The following CDADC1 variants were observed in gnomAD, a reference collection of about 807,000 sequenced individuals.
The protein encoded by CDADC1 is dCTP deaminase.
A neutral mutation model predicts 54.9 loss-of-function variants in CDADC1; 39 were observed. The observed-to-expected ratio is 0.71, with a 90% CI of 0.55 to 0.93. The LOEUF (loss-of-function observed/expected upper bound fraction) is 0.93, where lower values mean the gene tolerates loss of function less well. Among genes scored for constraint, CDADC1 ranks in the 40% least tolerant of loss-of-function variants. The probability of loss-of-function intolerance (pLI) is 0.00; values close to 1 mark genes in which losing one functional copy is unlikely to be tolerated. For synonymous variants in CDADC1, 186 were observed against 204.0 expected (o/e 0.91, Z 0.75); for missense variants, 518 against 618.8 (o/e 0.84, Z 1.73).
chr13:49,250,772 A>G (rs1952411074), intron 2 of CDADC1, among the ~76,000 whole-genome samples: 1 of 152,240 alleles, frequency 6.6e-6, no homozygotes, highest in Non-Finnish European at 1.5e-5. Flanking sequence ...TAATAAAATG[A>G]TATCTCTTGG....
At chr13:49,278,639 GTA>G in intron 7 of CDADC1, 120 bp downstream of exon 7, 1 of 814,358 alleles carries the variant, frequency 1.2e-6, no homozygotes, top group Non-Finnish European at 1.8e-6. Flanking sequence ...CCTTTCAGAA[GTA>G]TAACTTTGGT....
In CDADC1 at chr13:49,292,007, C is replaced by G; in HGVS notation, c.*250C>G. ...GAAATGAGGGAGCAATAACTTCAACCAATGTAATCACCAACAGGGACTGAT... is the reference window on the plus strand; with the variant it reads ...GAAATGAGGGAGCAATAACTTCAACGAATGTAATCACCAACAGGGACTGAT... On this transcript the variant is annotated 3_prime_UTR_variant, in exon 10 of 10. Transcript: ENST00000251108. 2 of 1,228,054 alleles carry G rather than the reference C, an allele frequency of 1.6e-6. No individual in the cohort carries two copies. Among genetic ancestry groups the G allele is most frequent in the Non-Finnish European group, 2.0e-6 (2 of 979,118 alleles). The allele number at this position is 1,228,054 out of a possible 1,614,324, so 76.1% of individuals were successfully genotyped here. A position where few individuals can be genotyped will look rare whatever the true frequency, so the allele number is the denominator to read the frequency against.
intron 4 of CDADC1, among the ~76,000 whole-genome samples, chr13:49,260,886 G>A (rs954887446): frequency 6.6e-6 from 1 of 152,164 alleles, no homozygotes; most frequent in African/African-American, 2.4e-5. Flanking sequence ...AGTGATCCCT[G>A]CAGATTTCCA....
chr13:49,286,571 C>A lies in CDADC1; in HGVS notation c.1471+289C>A, dbSNP rs1451562642. Among the ~76,000 whole-genome samples the A allele has an allele frequency of 2.0e-5, 3 of 152,086 alleles. No homozygotes were observed. In the East Asian group the frequency reaches 5.8e-4, roughly 29 times the overall value. The stretch of plus-strand genomic sequence containing the variant: ...GCATATGAAACAGTAAACAGCAATG[C>A]TCTTCTATAACAAAACAAAAGCTTA... On this transcript the variant is annotated intron_variant, in intron 9 of 9. Transcript: ENST00000251108.
chr13:49,254,371 T>TTAAAACTTTATCAATGTATTAAC (rs1254004782), intron 2 of CDADC1, among the ~76,000 whole-genome samples: 5 of 151,744 alleles, frequency 3.3e-5, no homozygotes, highest in African/African-American at 9.7e-5. Flanking sequence ...CATTCCTACT[T>TTAAAACTTTATCAATGTATTAAC]TAAAACTTTA....
rs752110594 is a variant in CDADC1, at chr13:49,280,532, A to G, written c.1244A>G (p.Glu415Gly). Reference sequence around the variant, plus strand: ...AGGTGTCAAGAAATAAAACCAGAAGAAAGAAGCATGATTTTTGTGACAAAG... The same window carrying G: ...AGGTGTCAAGAAATAAAACCAGAAGGAAGAAGCATGATTTTTGTGACAAAG... Reference protein sequence around the residue: ...TFRCQEIKPEERSMIFVTKCP... With the variant: ...TFRCQEIKPEGRSMIFVTKCP... Residue 415 changes from glutamate to glycine, a missense_variant, in exon 8 of 10, where the codon GAA becomes GGA. Coordinates refer to ENST00000251108, the MANE Select transcript of CDADC1 (RefSeq NM_030911.4). 5.5e-6 allele frequency: 8 copies of G among 1,451,754 alleles called. No individual in the cohort carries two copies. The East Asian group carries it at 1.3e-4, about 23-fold the overall frequency. The allele number at this position is 1,451,754 out of a possible 1,614,324, so 89.9% of individuals were successfully genotyped here. A position where few individuals can be genotyped will look rare whatever the true frequency, so the allele number is the denominator to read the frequency against.
intron 2 of CDADC1, among the ~76,000 whole-genome samples, chr13:49,251,129 G>T (rs1217520756): frequency 6.6e-6 from 1 of 152,048 alleles, no homozygotes; most frequent in African/African-American, 2.4e-5. Flanking sequence ...AGACTTTTAG[G>T]CCGGGTGCAG....
intron 4 of CDADC1, among the ~76,000 whole-genome samples, chr13:49,260,645 A>G (rs1952659648): frequency 6.6e-6 from 1 of 152,202 alleles, no homozygotes; most frequent in African/African-American, 2.4e-5. Context: ...CCTTGTGCTT[A>G]TGATTCTGTT....
At chr13:49,255,221 G>A (rs9535175) in intron 2 of CDADC1, among the ~76,000 whole-genome samples, 15 of 152,124 alleles carry the variant, frequency 9.9e-5, no homozygotes, top group Admixed American at 2.6e-4. Context: ...ATGTTGCATC[G>A]CTGACTCTCC....
At chr13:49,278,316 T>G (rs1276726051) in intron 6 of CDADC1, 34 bp from the exon 7 acceptor site, 2 of 1,451,462 alleles carry the variant, frequency 1.4e-6, no homozygotes, top group Non-Finnish European at 1.9e-6. Flanking sequence ...TTTCAGAATG[T>G]TGAAACTAAC....
At chr13:49,258,864 AT>A (rs1166489824) in intron 3 of CDADC1, among the ~76,000 whole-genome samples, 2 of 152,238 alleles carry the variant, frequency 1.3e-5, no homozygotes, top group Non-Finnish European at 2.9e-5. Context: ...ATATTTTAGA[AT>A]TTAAGATGAC....
chr13:49,272,417 C>A (rs1368791038), intron 5 of CDADC1, among the ~76,000 whole-genome samples: 1 of 152,172 alleles, frequency 6.6e-6, no homozygotes, highest in Admixed American at 6.5e-5. Flanking sequence ...TCCCTTTTCC[C>A]TCTACTCTGT....
chr13:49,269,084 A>T (rs1321292190), intron 5 of CDADC1, among the ~76,000 whole-genome samples: 2 of 152,192 alleles, frequency 1.3e-5, no homozygotes, highest in African/African-American at 4.8e-5. Flanking sequence ...GGAGCAGTAG[A>T]GTAAGATTTG....
chr13:49,270,507 C>T (rs1316547515), intron 5 of CDADC1, among the ~76,000 whole-genome samples: 1 of 152,214 alleles, frequency 6.6e-6, no homozygotes, highest in Non-Finnish European at 1.5e-5. Flanking sequence ...CATGAGCCAT[C>T]ATGCCCAATC....
chr13:49,276,927 AATG>A (rs1311111617), intron 6 of CDADC1, among the ~76,000 whole-genome samples: 1 of 152,168 alleles, frequency 6.6e-6, no homozygotes, highest in Non-Finnish European at 1.5e-5. Flanking sequence ...TCTGGTTGTT[AATG>A]ATTTTGTGGA....
At chr13:49,275,712 TATATATATATATATAGAGAG>T (rs1566369822) in intron 6 of CDADC1, among the ~76,000 whole-genome samples, 3 of 89,994 alleles carry the variant, frequency 3.3e-5, no homozygotes, top group Non-Finnish European at 6.1e-5. Flanking sequence ...TATATATATA[TATATATATATATATAGAGAG>T]AGAGAGAGAG....
chr13:49,280,557 G>A lies in CDADC1; in HGVS notation c.1269G>A (p.Lys423=), dbSNP rs1321458542. Residue 423 remains lysine, a synonymous_variant, in exon 8 of 10, where the codon AAG becomes AAA. Transcript: ENST00000251108. The stretch of plus-strand genomic sequence containing the variant: ...AAAGAAGCATGATTTTTGTGACAAA[G>A]TGCCCATGTGATGAGTGTGTACCTT... ...PEERSMIFVT[K]CPCDECVPLI... 1 of 1,481,682 alleles carries A rather than the reference G, an allele frequency of 6.7e-7. No homozygotes were observed. The allele number at this position is 1,481,682 out of a possible 1,614,324, so 91.8% of individuals were successfully genotyped here.
chr13:49,249,245 A>G (rs1952368916), intron 2 of CDADC1, among the ~76,000 whole-genome samples: 1 of 152,132 alleles, frequency 6.6e-6, no homozygotes, highest in South Asian at 2.1e-4. Context: ...ATTTCCCCCA[A>G]TTATATATAC....
At chr13:49,282,233 T>TGG (rs200426055) in intron 8 of CDADC1, among the ~76,000 whole-genome samples, 3 of 121,986 alleles carry the variant, frequency 2.5e-5, no homozygotes, top group East Asian at 2.6e-4. Context: ...CTGGTTTTTG[T>TGG]GGGTTTTTTT....
Sources: gnomAD v4.1 joint callset for allele counts (sites outside exome capture counted in the v4.1 genomes callset) on GRCh38, gnomAD v4.1.1 for gene constraint, MANE v1.5 for transcripts, NCBI Gene and HGNC (gene_info 2026-07-23, HGNC 2026-07-21) for gene names.